Variants in PAK1IP1 observed in about 807,000 individuals in gnomAD.
The protein encoded by PAK1IP1 is p21-activated protein kinase-interacting protein 1.
A neutral mutation model predicts 42.0 loss-of-function variants in PAK1IP1; 24 were observed. The ratio of observed to expected loss-of-function variants is 0.57; its 90% CI spans 0.41 to 0.80. The LOEUF is 0.80. Among genes scored for constraint, PAK1IP1 ranks in the 30% least tolerant of loss-of-function variants. The probability of loss-of-function intolerance (pLI) is 0.00; values close to 1 mark genes in which losing one functional copy is unlikely to be tolerated. For missense variants in PAK1IP1, 411 were observed against 467.9 expected, an observed-to-expected ratio of 0.88 and a Z score of 1.12; for synonymous variants, 154 against 156.7, an observed-to-expected ratio of 0.98 and a Z score of 0.13.
intron 8 of PAK1IP1, 29 bp downstream of exon 8, chr6:10,707,543 C>T (rs377223286): frequency 2.3e-6 from 3 of 1,304,128 alleles, no homozygotes; most frequent in Non-Finnish European, 3.3e-6. Context: ...TCTAAATGTA[C>T]TTTAATACAA....
At position 10,702,141 on chromosome 6, in the gene PAK1IP1, G is replaced by C. The variant is rs57787808; in HGVS notation, c.248-228G>C. 5.7e-3 allele frequency among the ~76,000 whole-genome samples: 873 copies of C among 152,044 alleles called. 8 individuals are homozygous for C. Among genetic ancestry groups the C allele is most frequent in the African/African-American group, 0.02 (829 of 41,440 alleles). ...TGTAGTCCCAGTTACTCAGGAGGCTGAGGTGGGAAGATTGCTTGAACCCAG... is the reference window on the plus strand; with the variant it reads ...TGTAGTCCCAGTTACTCAGGAGGCTCAGGTGGGAAGATTGCTTGAACCCAG... On this transcript the variant is annotated intron_variant, in intron 2 of 9. Transcript: ENST00000379568.
chr6:10,692,574 G>A (rs1769428965), upstream of PAK1IP1, among the ~76,000 whole-genome samples: 1 of 152,048 alleles, frequency 6.6e-6, no homozygotes, highest in Admixed American at 6.5e-5. Context: ...CCGAGTAGCT[G>A]GGACTATAGG....
Position 10,709,586 on chromosome 6 carries a change from T to A in PAK1IP1, c.*134T>A. The A allele has an allele frequency of 7.3e-6, 3 of 410,564 alleles. No homozygotes were observed. Among genetic ancestry groups the A allele is most frequent in the Non-Finnish European group, 8.1e-6 (2 of 245,736 alleles). 25.4% of individuals were successfully genotyped at this position (410,564 alleles called of 1,614,324 possible). On this transcript the variant is annotated 3_prime_UTR_variant, in exon 10 of 10. Coordinates refer to ENST00000379568, the MANE Select transcript of PAK1IP1 (RefSeq NM_017906.3). ...AAAAATATATATATTAAAAAACCAC[T>A]TTTAGATGGTTTTTTTTAAAAAAAA...
Position 10,709,019 on chromosome 6 carries a change from C to T in PAK1IP1, c.907C>T (p.Leu303=). Residue 303 remains leucine (L), a synonymous_variant, in exon 9 of 10, where the codon CTA becomes TTA. Transcript: ENST00000379568. ...CAGGCTGACGTGTCTTGGAGTGTGG[C>T]TAGACAAAGTGGCAGACATGAAAGA... ...NARLTCLGVW[L]DKVADMKESL... 1 of 1,612,720 alleles carries T rather than the reference C, an allele frequency of 6.2e-7. No individual in the cohort carries two copies. Among genetic ancestry groups the T allele is most frequent in the Non-Finnish European group, 8.5e-7 (1 of 1,178,734 alleles).
rs747688813 is a variant in PAK1IP1, at chr6:10,709,113, C to T, written c.964+37C>T. 31 of 1,584,222 alleles carry T rather than the reference C, an allele frequency of 2.0e-5. No individual in the cohort carries two copies. In the South Asian group the frequency reaches 3.1e-4, roughly 16 times the overall value. ...TGATTGTTTTGAAATTTTGAATAAT[C>T]TATTATCTCTTAAATTGTAGAAGTG... On this transcript the variant is annotated intron_variant, in intron 9 of 9. Coordinates refer to ENST00000379568, the MANE Select transcript of PAK1IP1 (RefSeq NM_017906.3).
intron 7 of PAK1IP1, among the ~76,000 whole-genome samples, chr6:10,705,953 T>G (rs1436012116): frequency 6.6e-6 from 1 of 152,220 alleles, no homozygotes; most frequent in Admixed American, 6.5e-5. Context: ...GATGTACTAA[T>G]AACACTTAAG....
chr6:10,701,529 G>A lies in PAK1IP1; in HGVS notation c.248-840G>A, dbSNP rs188538050. Among the ~76,000 whole-genome samples the A allele has an allele frequency of 4.2e-3, 647 of 152,264 alleles. 7 individuals carry two copies. Among genetic ancestry groups the A allele is most frequent in the Non-Finnish European group, 3.8e-3 (260 of 68,020 alleles). On this transcript the variant is annotated intron_variant, in intron 2 of 9. Coordinates refer to ENST00000379568, the MANE Select transcript of PAK1IP1 (RefSeq NM_017906.3). Reference sequence around the variant, plus strand: ...GCTAATAGATAAGCTTTTTTCTAGGGAAGCAAATGTGGGAAACCAAACTTT... The same window carrying A: ...GCTAATAGATAAGCTTTTTTCTAGGAAAGCAAATGTGGGAAACCAAACTTT...
chr6:10,691,846 T>A (rs568478811), upstream of PAK1IP1, among the ~76,000 whole-genome samples: 1 of 152,292 alleles, frequency 6.6e-6, no homozygotes, highest in African/African-American at 2.4e-5. Context: ...TTTTTTTTCT[T>A]TTTAAAGTAA....
At chr6:10,698,335 G>T (rs1769922743) in intron 2 of PAK1IP1, among the ~76,000 whole-genome samples, 1 of 151,878 alleles carries the variant, frequency 6.6e-6, no homozygotes, top group South Asian at 2.1e-4. Flanking sequence ...TTTATTGAGG[G>T]CATATTATGT....
intron 4 of PAK1IP1, 30 bp downstream of exon 4, chr6:10,702,669 C>G (rs779682705): frequency 2.7e-6 from 4 of 1,465,746 alleles, no homozygotes; most frequent in Non-Finnish European, 3.8e-6. Context: ...GAGCATTTAT[C>G]TAAGGTGTGT....
intron 2 of PAK1IP1, among the ~76,000 whole-genome samples, chr6:10,700,168 C>T (rs1275426290): frequency 2.0e-5 from 3 of 152,092 alleles, no homozygotes; most frequent in Non-Finnish European, 4.4e-5. Flanking sequence ...AAGCGATTCT[C>T]CTGCCTCAGC....
Position 10,704,526 on chromosome 6 carries a change from G to C in PAK1IP1, c.516G>C (p.Trp172Cys), listed in dbSNP as rs201862329. 5 of 1,593,496 alleles carry C rather than the reference G, an allele frequency of 3.1e-6. No homozygotes were observed. The Admixed American group carries it at 5.2e-5, about 16-fold the overall frequency. The change falls in exon 6 of 10, where the codon TGG (tryptophan) becomes TGC (cysteine). Residue 172 changes from tryptophan (W) to cysteine (C), a missense_variant. Coordinates refer to ENST00000379568, the MANE Select transcript of PAK1IP1 (RefSeq NM_017906.3). ...TTACAGATGCTCACATAGTAGAATGGTCCCCAAGAGGAGAGCAGTATGTAG... is the reference window on the plus strand; with the variant it reads ...TTACAGATGCTCACATAGTAGAATGCTCCCCAAGAGGAGAGCAGTATGTAG... ...NIKQNAHIVE[W>C]SPRGEQYVVI... is the part of the protein sequence containing the mutation.
intron 2 of PAK1IP1, among the ~76,000 whole-genome samples, chr6:10,699,137 T>C (rs1247005225): frequency 7.1e-6 from 1 of 140,388 alleles, no homozygotes; most frequent in Non-Finnish European, 1.5e-5. Flanking sequence ...GGAGGCAGAG[T>C]GTGCAGTGAG....
chr6:10,694,815 C>A, upstream of PAK1IP1: 1 of 569,142 alleles, frequency 1.8e-6, no homozygotes, highest in Non-Finnish European at 3.1e-6. Context: ...CCTCCCCGCG[C>A]TTAAAGTGTT....
Position 10,697,397 on chromosome 6 carries a change from G to GT in PAK1IP1, c.162dup (p.Val55CysfsTer8). ...TTGTCAGCAGTAGCTGTAAATAGTC[G>GT]TTTTGTGGTCACTGGGAGCAAAGAT... On this transcript the variant is annotated frameshift_variant, in exon 2 of 10. Transcript: ENST00000379568. LOFTEE classifies it high-confidence loss of function. 6.2e-7 allele frequency: 1 copy of GT among 1,613,912 alleles called. No individual in the cohort carries two copies. Among genetic ancestry groups the GT allele is most frequent in the Non-Finnish European group, 8.5e-7 (1 of 1,179,856 alleles).
rs774539405 is a variant in PAK1IP1 at position 10,709,306 on chromosome 6, T to C, written c.1033T>C (p.Ser345Pro). 6.2e-7 allele frequency: 1 copy of C among 1,613,882 alleles called. No individual in the cohort carries two copies. The highest frequency in any genetic ancestry group is 2.2e-5 in the East Asian group (1 of 44,856). Residue 345 changes from serine (S) to proline (P), a missense_variant, in exon 10 of 10, where the codon TCA (serine) becomes CCA (proline). Physicochemically the swap from Ser to Pro is moderately conservative, Grantham distance 74. Transcript: ENST00000379568. ...CACAGTGCACAAAGAAGAAAAGCGG[T>C]CAAAACCTAACACAAAGAAACGCGG... ...GDTVHKEEKRSKPNTKKRGLT... is the reference protein window; with the variant it reads ...GDTVHKEEKRPKPNTKKRGLT...
At chr6:10,693,131 C>T (rs1366864565), upstream of PAK1IP1, among the ~76,000 whole-genome samples, 1 of 152,180 alleles carries the variant, frequency 6.6e-6, no homozygotes, top group Non-Finnish European at 1.5e-5. Flanking sequence ...AGGCACGTTC[C>T]AGCTCACAGC....
chr6:10,701,864 A>G (rs1372905000), intron 2 of PAK1IP1, among the ~76,000 whole-genome samples: 3 of 152,218 alleles, frequency 2.0e-5, no homozygotes, highest in African/African-American at 7.2e-5. Context: ...TAAACTGGAG[A>G]TACTCTGCTG....
At chr6:10,695,651 G>C (rs1252059794) in intron 1 of PAK1IP1, among the ~76,000 whole-genome samples, 1 of 152,130 alleles carries the variant, frequency 6.6e-6, no homozygotes, top group Non-Finnish European at 1.5e-5. Context: ...TACTAGATGT[G>C]TGAATAGATA....
Sources: allele counts gnomAD v4.1 joint callset (sites outside exome capture counted in the v4.1 genomes callset), GRCh38; gene constraint gnomAD v4.1.1; transcripts MANE v1.5; gene names NCBI Gene and HGNC (gene_info 2026-07-23, HGNC 2026-07-21).